AKAP14: variants seen among roughly 807,000 people sequenced by gnomAD.
AKAP14 encodes A-kinase anchor protein 14.
In AKAP14, 4 loss-of-function variants were observed where a neutral mutation model predicts 17.0. The ratio of observed to expected loss-of-function variants is 0.23; its 90% CI spans 0.12 to 0.54. The LOEUF (loss-of-function observed/expected upper bound fraction) is 0.54, where lower values mean the gene tolerates loss of function less well. Ranked by LOEUF, AKAP14 falls within the 20% of genes least tolerant of loss-of-function variation. The pLI is 0.95. For missense variants in AKAP14, 129 were observed against 150.9 expected (o/e 0.85, Z 0.76); for synonymous variants, 42 against 51.3 (o/e 0.82, Z 0.77).
intron 4 of AKAP14, among the ~76,000 whole-genome samples, chrX:119,907,129 A>AT (rs200883865): frequency 0.049 from 4,874 of 98,681 alleles, 119 homozygotes; most frequent in East Asian, 0.13. Flanking sequence ...TGTCTGTCTG[A>AT]TTTTTTTTTT....
chrX:119,917,144 T>TA (rs1314394933), intron 5 of AKAP14, among the ~76,000 whole-genome samples: 12 of 104,660 alleles, frequency 1.1e-4, no homozygotes, highest in Admixed American at 2.1e-4. Context: ...AAATAAAAAT[T>TA]AAAAAAAAAT....
intron 4 of AKAP14, among the ~76,000 whole-genome samples, chrX:119,905,778 A>C (rs1209095836): frequency 9.0e-6 from 1 of 111,318 alleles, no homozygotes; most frequent in African/African-American, 3.3e-5. Context: ...TTTGTTGAAA[A>C]CTATCACCTG....
chrX:119,899,166 C>CAAAAAAAAA (rs56354303), intron 2 of AKAP14, among the ~76,000 whole-genome samples: 10 of 49,857 alleles, frequency 2.0e-4, no homozygotes, highest in African/African-American at 6.3e-4. Context: ...GACTCTGTCT[C>CAAAAAAAAA]AAAAAAAAAA....
At chrX:119,897,612 A>G (rs2056538509) in intron 2 of AKAP14, among the ~76,000 whole-genome samples, 1 of 112,278 alleles carries the variant, frequency 8.9e-6, no homozygotes, top group Non-Finnish European at 1.9e-5. Context: ...GGCCTAAGTA[A>G]GGGCTAGGGA....
intron 5 of AKAP14, among the ~76,000 whole-genome samples, chrX:119,919,370 C>T (rs1479176430): frequency 1.8e-5 from 2 of 112,060 alleles, no homozygotes; most frequent in African/African-American, 6.5e-5. Context: ...ACAAGCCTGT[C>T]CCAAGTTATT....
chrX:119,918,901 C>G (rs1364432125), intron 5 of AKAP14, among the ~76,000 whole-genome samples: 1 of 112,265 alleles, frequency 8.9e-6, no homozygotes, highest in Non-Finnish European at 1.9e-5. Context: ...TATGACCACA[C>G]AGTCAGTGAG....
intron 4 of AKAP14, among the ~76,000 whole-genome samples, chrX:119,914,061 G>A (rs1010827972): frequency 4.6e-5 from 5 of 108,355 alleles, no homozygotes; most frequent in Admixed American, 1.0e-4. Context: ...ATGGTGAAAC[G>A]CCGTCTCTAC....
In AKAP14 at chrX:119,903,554, A is replaced by C. The variant is rs1569469157; in HGVS notation, c.229A>C (p.Lys77Gln). 3 of 1,211,699 alleles carry C rather than the reference A, an allele frequency of 2.5e-6. No homozygotes were observed. Among genetic ancestry groups the C allele is most frequent in the Non-Finnish European group, 3.4e-6 (3 of 895,455 alleles). The change falls in exon 4 of 7, where the codon AAG (lysine) becomes CAG (glutamine). Residue 77 changes from lysine (K) to glutamine (Q), a missense_variant. By Grantham distance (53) the Lys-to-Gln change is moderately conservative. Coordinates refer to ENST00000371431, the MANE Select transcript of AKAP14 (RefSeq NM_178813.6). Reference protein sequence around the residue: ...WMTHGEFTVEKGLKQIDEYFS... With the variant: ...WMTHGEFTVEQGLKQIDEYFS... ...GACTCACGGTGAATTCACTGTGGAA[A>C]AGGGTCTTAAACAAATTGACGAATA...
intron 2 of AKAP14, among the ~76,000 whole-genome samples, chrX:119,899,469 C>T (rs1046947368): frequency 5.4e-5 from 6 of 111,404 alleles, no homozygotes; most frequent in East Asian, 5.6e-4. Flanking sequence ...TGCAGCTCCC[C>T]GGGGCTAGTA....
At chrX:119,902,933 C>T (rs1253272387) in intron 2 of AKAP14, among the ~76,000 whole-genome samples, 4 of 111,383 alleles carry the variant, frequency 3.6e-5, no homozygotes, top group South Asian at 3.8e-4. Flanking sequence ...TCAGGTGATC[C>T]GCCCGCCTCG....
rs765107118 is a variant in AKAP14 at position 119,896,805 on chromosome X, C to CTTTTTTTTTTTTTTTTT, written c.-11+545_-11+546insTTTTTTTTTTTTTTTTT. ...CAAATGGGCAATTTTCTTTTCTTTTCTTTTTTTCTTTTTTTTTTTTTTTGA... is the reference window on the plus strand; with the variant it reads ...CAAATGGGCAATTTTCTTTTCTTTTCTTTTTTTTTTTTTTTTTTTTTTTTCTTTTTTTTTTTTTTTGA... On this transcript the variant is annotated intron_variant, in intron 2 of 6. Transcript: ENST00000371431. Among the ~76,000 whole-genome samples, 2 of 70,770 alleles carry CTTTTTTTTTTTTTTTTT rather than the reference C, an allele frequency of 2.8e-5. 1 individual carries two copies. Among genetic ancestry groups the CTTTTTTTTTTTTTTTTT allele is most frequent in the Non-Finnish European group, 5.1e-5 (2 of 39,221 alleles). The allele number at this position is 70,770 out of a possible 115,157, so 61.5% of individuals were successfully genotyped here.
Position 119,920,581 on chromosome X carries a change from T to C in AKAP14, c.568T>C (p.Phe190Leu). 1 of 1,206,106 alleles carries C rather than the reference T, an allele frequency of 8.3e-7. No individual in the cohort carries two copies. The highest frequency in any genetic ancestry group is 3.0e-5 in the East Asian group (1 of 33,728). ...TDAKYSFMES[F>L]PFLFNRV is the part of the protein sequence containing the mutation. ...TGCCAAATATAGTTTCATGGAGTCA[T>C]TCCCCTTCTTATTCAATCGTGTCTG... Residue 190 changes from phenylalanine to leucine, a missense_variant, in exon 7 of 7, where the codon TTC (phenylalanine) becomes CTC (leucine). Coordinates refer to ENST00000371431, the MANE Select transcript of AKAP14 (RefSeq NM_178813.6).
chrX:119,897,455 G>A (rs764574770), intron 2 of AKAP14, among the ~76,000 whole-genome samples: 6 of 111,966 alleles, frequency 5.4e-5, no homozygotes, highest in Non-Finnish European at 9.4e-5. Flanking sequence ...CACTGCGCCC[G>A]GCCCAAATGG....
In AKAP14 at chrX:119,910,662, ATTC is replaced by A. The variant is rs770299178; in HGVS notation, c.262-4028_262-4026del. On this transcript the variant is annotated intron_variant, in intron 4 of 6. Transcript: ENST00000371431. ...ATAATCATGACCCTAAAATTCATAT[ATTC>A]TTCTTCTTTTTTTTGAGGCAGAGTT... Among the ~76,000 whole-genome samples, 23 of 111,094 alleles carry A rather than the reference ATTC, an allele frequency of 2.1e-4. No individual in the cohort carries two copies. In the East Asian group the frequency reaches 5.2e-3, roughly 25 times the overall value.
rs555513120 is a variant in AKAP14 at position 119,910,892 on chromosome X, C to G, written c.262-3807C>G. On this transcript the variant is annotated intron_variant, in intron 4 of 6. Coordinates refer to ENST00000371431, the MANE Select transcript of AKAP14 (RefSeq NM_178813.6). ...GGTCAGGCTGGTCTCGAACTCCCGA[C>G]CTCAGGTGATCCGCCCTCCTCGGCC... Among the ~76,000 whole-genome samples, 198 of 108,368 alleles carry G rather than the reference C, an allele frequency of 1.8e-3. 1 individual carries two copies. Among genetic ancestry groups the G allele is most frequent in the African/African-American group, 6.3e-3 (188 of 30,049 alleles). The allele number at this position is 108,368 out of a possible 115,157, so 94.1% of individuals were successfully genotyped here.
intron 4 of AKAP14, among the ~76,000 whole-genome samples, chrX:119,904,839 C>T (rs2056588199): frequency 9.0e-6 from 1 of 110,882 alleles, no homozygotes; most frequent in Non-Finnish European, 1.9e-5. Flanking sequence ...GCTGAGATTA[C>T]ACCACTGCAT....
intron 4 of AKAP14, among the ~76,000 whole-genome samples, chrX:119,906,805 A>G (rs1411229392): frequency 8.9e-6 from 1 of 112,005 alleles, no homozygotes; most frequent in African/African-American, 3.2e-5. Flanking sequence ...TGGACTCCCA[A>G]AGTGTTGGGA....
intron 5 of AKAP14, among the ~76,000 whole-genome samples, chrX:119,918,233 T>G (rs751639006): frequency 9.0e-6 from 1 of 111,708 alleles, no homozygotes; most frequent in East Asian, 2.8e-4. Context: ...TGTTTTTGTT[T>G]TGTTTTGTTT....
rs1164321503 is a variant in AKAP14, at chrX:119,901,781, G to A, written c.-10-1433G>A. On this transcript the variant is annotated intron_variant, in intron 2 of 6. Transcript: ENST00000371431. Reference sequence around the variant, plus strand: ...TCCCAGCACTTTGGGAGGCCGAGGCGGGTGGATCACCTGAGGTCAAGAGTT... The same window carrying A: ...TCCCAGCACTTTGGGAGGCCGAGGCAGGTGGATCACCTGAGGTCAAGAGTT... Among the ~76,000 whole-genome samples the A allele has an allele frequency of 7.3e-5, 8 of 108,883 alleles. No homozygotes were observed. The Admixed American group carries it at 7.9e-4, about 11-fold the overall frequency. 94.6% of individuals were successfully genotyped at this position (108,883 alleles called of 115,157 possible).
Sources: allele counts gnomAD v4.1 joint callset (sites outside exome capture counted in the v4.1 genomes callset), GRCh38; gene constraint gnomAD v4.1.1; transcripts MANE v1.5; gene names NCBI Gene and HGNC (gene_info 2026-07-23, HGNC 2026-07-21).